The following IGFL2 variants were observed in gnomAD, a reference collection of about 807,000 sequenced individuals.
The protein encoded by IGFL2 is IGF like family member 2, also known as insulin growth factor-like family member 2.
In IGFL2, 7 loss-of-function variants were observed where a neutral mutation model predicts 13.9. The ratio of observed to expected loss-of-function variants is 0.51; its 90% CI spans 0.29 to 0.95. The LOEUF is 0.95. Among genes scored for constraint, IGFL2 ranks in the 40% least tolerant of loss-of-function variants. The probability of loss-of-function intolerance (pLI) is 0.08; values close to 1 mark genes in which losing one functional copy is unlikely to be tolerated. For missense variants in IGFL2, 138 were observed against 147.8 expected, an observed-to-expected ratio of 0.93 and a Z score of 0.34; for synonymous variants, 55 against 55.8, an observed-to-expected ratio of 0.99 and a Z score of 0.07.
the IGFL2 span, among the ~76,000 whole-genome samples, chr19:46,188,674 C>T: frequency 6.6e-6 from 1 of 152,182 alleles, no homozygotes; most frequent in African/African-American, 2.4e-5. Flanking sequence ...TTGTTGGGGA[C>T]CCATACCCAG....
upstream of IGFL2, chr19:46,143,245 A>G (rs1972938717): frequency 6.6e-6 from 1 of 152,272 alleles, no homozygotes; most frequent in South Asian, 2.1e-4. Context: ...GTGATTCTTA[A>G]TAACGTGTTC....
chr19:46,120,040 C>T, the IGFL2 span: 1 of 451,064 alleles, frequency 2.2e-6, no homozygotes, highest in Non-Finnish European at 4.0e-6. Flanking sequence ...GCTCAGTGTC[C>T]AGGAAGAATC....
the IGFL2 span, among the ~76,000 whole-genome samples, chr19:46,206,559 C>G: frequency 6.6e-6 from 1 of 152,148 alleles, no homozygotes; most frequent in Non-Finnish European, 1.5e-5. Context: ...CGAGCTTATA[C>G]CCAGAGGATT....
chr19:46,143,250 G>A (rs367781094), upstream of IGFL2: 1 of 152,052 alleles, frequency 6.6e-6, no homozygotes, highest in African/African-American at 2.4e-5. Context: ...TCTTAATAAC[G>A]TGTTCTTTTC....
At position 46,151,628 on chromosome 19, in the gene IGFL2, G is replaced by C. The variant is rs191115887; in HGVS notation, c.19+3331G>C. On this transcript the variant is annotated intron_variant, in intron 1 of 3. Transcript: ENST00000377693. ...TCAACTGATTAATTTCTTCAGAGAA[G>C]GCTGGGTCCTGTGGCTCATGCCTGT... Among the ~76,000 whole-genome samples the C allele has an allele frequency of 1.1e-3, 167 of 152,310 alleles. 2 individuals are homozygous for C. Among genetic ancestry groups the C allele is most frequent in the African/African-American group, 3.6e-3 (149 of 41,558 alleles).
At chr19:46,079,117 C>T in the IGFL2 span, among the ~76,000 whole-genome samples, 1 of 150,448 alleles carries the variant, frequency 6.6e-6, no homozygotes, top group Non-Finnish European at 1.5e-5. Flanking sequence ...CAGTAGACAT[C>T]GCGCAGGCGT....
chr19:46,141,574 G>A (rs963651765), upstream of IGFL2, among the ~76,000 whole-genome samples: 1 of 152,030 alleles, frequency 6.6e-6, no homozygotes, highest in Non-Finnish European at 1.5e-5. Flanking sequence ...TACACCCATG[G>A]TGGCCCTCTG....
At chr19:46,122,675 G>T in the IGFL2 span, among the ~76,000 whole-genome samples, 1 of 151,074 alleles carries the variant, frequency 6.6e-6, no homozygotes, top group Admixed American at 6.6e-5. Flanking sequence ...TTCGGTTACT[G>T]TCAGACAACT....
chr19:46,188,564 G>T, the IGFL2 span, among the ~76,000 whole-genome samples: 1 of 152,224 alleles, frequency 6.6e-6, no homozygotes, highest in African/African-American at 2.4e-5. Flanking sequence ...CTATACTGAG[G>T]CTTACAATAG....
At chr19:46,125,224 A>G in the IGFL2 span, among the ~76,000 whole-genome samples, 13 of 152,342 alleles carry the variant, frequency 8.5e-5, no homozygotes, top group African/African-American at 2.4e-4. Context: ...GGAAACTCCA[A>G]TAAAGGGGGT....
chr19:46,193,101 A>C, the IGFL2 span, among the ~76,000 whole-genome samples: 1 of 152,172 alleles, frequency 6.6e-6, no homozygotes, highest in African/African-American at 2.4e-5. Context: ...CTGAGGCAGG[A>C]GAATCACTTG....
chr19:46,148,454 C>T (rs1438008969), intron 1 of IGFL2, among the ~76,000 whole-genome samples, 157 bp downstream of exon 1: 1 of 152,156 alleles, frequency 6.6e-6, no homozygotes, highest in Non-Finnish European at 1.5e-5. Context: ...CTCTCTTCCC[C>T]ACCTGCAAAT....
intron 3 of IGFL2, 65 bp from the exon 4 acceptor site, chr19:46,161,005 C>G (rs148618752): frequency 1.8e-4 from 277 of 1,553,812 alleles, no homozygotes; most frequent in Non-Finnish European, 2.3e-4. Flanking sequence ...CTAGCAGTTT[C>G]TCAAATATTT....
the IGFL2 span, among the ~76,000 whole-genome samples, chr19:46,089,866 A>T: frequency 6.6e-6 from 1 of 151,740 alleles, no homozygotes; most frequent in African/African-American, 2.4e-5. Context: ...GAGTCCTTTG[A>T]CCTTCTTGTA....
At chr19:46,166,544 G>A in the IGFL2 span, among the ~76,000 whole-genome samples, 3 of 152,196 alleles carry the variant, frequency 2.0e-5, no homozygotes, top group African/African-American at 7.2e-5. Context: ...TCAGGAGACA[G>A]GGTTTTGAGA....
At chr19:46,206,082 C>G in the IGFL2 span, among the ~76,000 whole-genome samples, 4 of 152,126 alleles carry the variant, frequency 2.6e-5, no homozygotes, top group Non-Finnish European at 4.4e-5. Context: ...GAGAAGAGTC[C>G]AACCCAGGGC....
the IGFL2 span, chr19:46,214,080 C>T: frequency 6.6e-6 from 1 of 152,578 alleles, no homozygotes; most frequent in Non-Finnish European, 1.5e-5. Context: ...GGTCCCGCCC[C>T]ATCCTGGCCT....
chr19:46,137,335 G>A, the IGFL2 span: 1,491 of 1,098,576 alleles, frequency 1.4e-3, 17 homozygotes, highest in African/African-American at 0.019. Flanking sequence ...TGAGAAGCTT[G>A]TGGCGGGCGT....
chr19:46,164,005 C>T (rs1181105476), downstream of IGFL2: 4 of 152,354 alleles, frequency 2.6e-5, no homozygotes, highest in African/African-American at 9.6e-5. Flanking sequence ...GAGGTCCTGC[C>T]CAGTGAGGAG....
Sources: allele counts gnomAD v4.1 joint callset (sites outside exome capture counted in the v4.1 genomes callset), GRCh38; gene constraint gnomAD v4.1.1; transcripts MANE v1.5; gene names NCBI Gene and HGNC (gene_info 2026-07-23, HGNC 2026-07-21).